IL1RAPL1: variants seen among roughly 807,000 people sequenced by gnomAD.
The protein encoded by IL1RAPL1 is interleukin-1 receptor accessory protein-like 1.
Under a neutral mutation model 48.4 loss-of-function variants are expected in IL1RAPL1, and 3 were observed. The observed-to-expected ratio is 0.06, with a 90% CI of 0.03 to 0.16. The LOEUF is 0.16. Among genes scored for constraint, IL1RAPL1 ranks in the 10% least tolerant of loss-of-function variants. IL1RAPL1 has a pLI of 1.00. For missense variants in IL1RAPL1, 349 were observed against 530.6 expected, an observed-to-expected ratio of 0.66 and a Z score of 3.36; for synonymous variants, 185 against 187.7, an observed-to-expected ratio of 0.99 and a Z score of 0.12.
intron 6 of IL1RAPL1, among the ~76,000 whole-genome samples, chrX:29,671,463 C>T (rs1926139229): frequency 8.9e-6 from 1 of 112,063 alleles, no homozygotes; most frequent in African/African-American, 3.2e-5. Flanking sequence ...GAATTTGAAT[C>T]AATACGTGGT....
chrX:29,200,473 T>G (rs1930533730), intron 2 of IL1RAPL1, among the ~76,000 whole-genome samples: 1 of 112,268 alleles, frequency 8.9e-6, no homozygotes, highest in Non-Finnish European at 1.9e-5. Flanking sequence ...AATATATGAC[T>G]ATTGCAAATA....
At chrX:29,579,698 G>A (rs1922897329) in intron 5 of IL1RAPL1, among the ~76,000 whole-genome samples, 2 of 111,617 alleles carry the variant, frequency 1.8e-5, no homozygotes, top group Non-Finnish European at 3.8e-5. Flanking sequence ...TATAAATAGT[G>A]TATGTACTTT....
At chrX:28,918,851 G>T (rs894944211) in intron 2 of IL1RAPL1, among the ~76,000 whole-genome samples, 1 of 111,681 alleles carries the variant, frequency 9.0e-6, no homozygotes, top group Non-Finnish European at 1.9e-5. Flanking sequence ...AACACAGGTT[G>T]TAGGTCATAT....
At chrX:28,613,450 G>T (rs1277948866) in intron 1 of IL1RAPL1, among the ~76,000 whole-genome samples, 1 of 113,014 alleles carries the variant, frequency 8.8e-6, no homozygotes, top group Non-Finnish European at 1.9e-5. Context: ...AAAGGTGAGG[G>T]ACTCTGATTC....
intron 2 of IL1RAPL1, among the ~76,000 whole-genome samples, chrX:28,911,793 G>C (rs780212918): frequency 1.8e-5 from 2 of 109,181 alleles, no homozygotes; most frequent in Non-Finnish European, 3.8e-5. Flanking sequence ...TTTAAATGGG[G>C]CTAGAAGGTA....
intron 3 of IL1RAPL1, among the ~76,000 whole-genome samples, chrX:29,343,419 C>A (rs1175541639): frequency 9.0e-6 from 1 of 111,104 alleles, no homozygotes; most frequent in African/African-American, 3.3e-5. Context: ...TGTTTTAGCC[C>A]AGGTATCCCC....
At chrX:28,639,782 G>C (rs1356495826) in intron 1 of IL1RAPL1, among the ~76,000 whole-genome samples, 1 of 112,121 alleles carries the variant, frequency 8.9e-6, no homozygotes, top group Non-Finnish European at 1.9e-5. Flanking sequence ...CTCTGAGTTT[G>C]TCTTGTCTCA....
intron 2 of IL1RAPL1, among the ~76,000 whole-genome samples, chrX:29,064,612 C>T (rs368755894): frequency 4.5e-5 from 5 of 111,284 alleles, no homozygotes; most frequent in South Asian, 3.8e-4. Context: ...GATGGAGTCT[C>T]GCTCTGTCGT....
At chrX:29,246,175 T>A (rs1602132884) in intron 2 of IL1RAPL1, among the ~76,000 whole-genome samples, 2 of 94,755 alleles carry the variant, frequency 2.1e-5, no homozygotes, top group South Asian at 9.4e-4. Flanking sequence ...TTTTTTTTTT[T>A]ACAAATGTAA....
In IL1RAPL1 at chrX:29,620,360, T is replaced by C. The variant is rs770633317; in HGVS notation, c.704-48070T>C. 2.1e-3 allele frequency among the ~76,000 whole-genome samples: 236 copies of C among 111,647 alleles called. 1 individual carries two copies. The highest frequency in any genetic ancestry group is 7.4e-3 in the African/African-American group (227 of 30,776). ...TTTAGCCTACTGAATATCTAGGCTA[T>C]ATAGTATAGCCTATTGCTTTTAGGC... On this transcript the variant is annotated intron_variant, in intron 5 of 10. Transcript: ENST00000378993.
At chrX:29,441,349 TC>T (rs766429416) in intron 5 of IL1RAPL1, among the ~76,000 whole-genome samples, 2 of 112,302 alleles carry the variant, frequency 1.8e-5, no homozygotes, top group East Asian at 5.6e-4. Context: ...TGCAGACACT[TC>T]CTTGTTGAAT....
intron 1 of IL1RAPL1, among the ~76,000 whole-genome samples, chrX:28,664,675 G>A (rs1250689210): frequency 9.0e-6 from 1 of 111,573 alleles, no homozygotes; most frequent in African/African-American, 3.3e-5. Flanking sequence ...ACAGCTCTGT[G>A]CTGTCCCTAC....
intron 6 of IL1RAPL1, among the ~76,000 whole-genome samples, chrX:29,814,881 G>T (rs1050659996): frequency 4.5e-5 from 5 of 111,218 alleles, no homozygotes; most frequent in Admixed American, 9.6e-5. Context: ...TTGAAGATCA[G>T]ATGGTTGTAG....
In IL1RAPL1 at chrX:29,929,595, C is replaced by T. The variant is rs537582327; in HGVS notation, c.1057+9501C>T. ...AAAGTTGACTCAGATCTTTAGATGG[C>T]AAGTTTCTGTAACTGCAAAGTAGAA... is the stretch of plus-strand genomic sequence containing the variant. On this transcript the variant is annotated intron_variant, in intron 8 of 10. Coordinates refer to ENST00000378993, the MANE Select transcript of IL1RAPL1 (RefSeq NM_014271.4). 2.5e-3 allele frequency among the ~76,000 whole-genome samples: 278 copies of T among 111,388 alleles called. 1 individual carries two copies. The highest frequency in any genetic ancestry group is 9.0e-3 in the African/African-American group (276 of 30,686).
At chrX:28,802,681 G>T (rs1182399444) in intron 2 of IL1RAPL1, among the ~76,000 whole-genome samples, 1 of 112,040 alleles carries the variant, frequency 8.9e-6, no homozygotes. Context: ...GATGAAGAAA[G>T]ATTTTCATAC....
chrX:28,650,770 A>G (rs192522027), intron 1 of IL1RAPL1, among the ~76,000 whole-genome samples: 1 of 111,994 alleles, frequency 8.9e-6, no homozygotes, highest in Admixed American at 9.5e-5. Context: ...TTTCACTTGA[A>G]GACATCTGCT....
rs72360733 is a variant in IL1RAPL1 at position 29,332,095 on chromosome X, CT to C, written c.362+48904del. The stretch of plus-strand genomic sequence containing the variant: ...ATTTTTGAAAATACTATTCTAAGGT[CT>C]TTTTTTTTTTTTTTTTTTTTTTTTT... On this transcript the variant is annotated intron_variant, in intron 3 of 10. Coordinates refer to ENST00000378993, the MANE Select transcript of IL1RAPL1 (RefSeq NM_014271.4). 2.7e-3 allele frequency among the ~76,000 whole-genome samples: 75 copies of C among 27,880 alleles called. 3 individuals are homozygous for C. The highest frequency in any genetic ancestry group is 7.3e-3 in the African/African-American group (68 of 9,315). The allele number at this position is 27,880 out of a possible 115,157, so 24.2% of individuals were successfully genotyped here. A position where few individuals can be genotyped will look rare whatever the true frequency, so the allele number is the denominator to read the frequency against.
chrX:28,861,953 C>T (rs910647589), intron 2 of IL1RAPL1, among the ~76,000 whole-genome samples: 2 of 110,871 alleles, frequency 1.8e-5, no homozygotes, highest in Non-Finnish European at 3.8e-5. Flanking sequence ...AATGACTTGG[C>T]AAAGATTAGT....
chrX:29,443,531 G>A (rs1934574543), intron 5 of IL1RAPL1, among the ~76,000 whole-genome samples: 1 of 111,218 alleles, frequency 9.0e-6, no homozygotes, highest in African/African-American at 3.3e-5. Flanking sequence ...CTGGTTTTGG[G>A]AGGGCAGACC....
Sources: allele counts gnomAD v4.1 joint callset (sites outside exome capture counted in the v4.1 genomes callset), GRCh38; gene constraint gnomAD v4.1.1; transcripts MANE v1.5; gene names NCBI Gene and HGNC (gene_info 2026-07-23, HGNC 2026-07-21).